Variants in CDH4 observed in about 807,000 individuals in gnomAD.
The protein encoded by CDH4 is cadherin-4.
A neutral mutation model predicts 86.0 loss-of-function variants in CDH4; 33 were observed. The ratio of observed to expected loss-of-function variants is 0.38; its 90% CI spans 0.29 to 0.51. The LOEUF (loss-of-function observed/expected upper bound fraction) is 0.51, where lower values mean the gene tolerates loss of function less well. CDH4 is among the 20% of genes least tolerant of loss of function. The pLI, the probability that CDH4 is intolerant of heterozygous loss-of-function variation, is 0.86. For missense variants in CDH4, 1,114 were observed against 1,307.4 expected (o/e 0.85, Z 2.28); for synonymous variants, 555 against 549.4 (o/e 1.01, Z -0.14).
At chr20:61,306,912 A>G (rs1475734086) in intron 2 of CDH4, among the ~76,000 whole-genome samples, 1 of 152,166 alleles carries the variant, frequency 6.6e-6, no homozygotes, top group Non-Finnish European at 1.5e-5. Context: ...TTGGGGAGCC[A>G]TCTGTGTCCT....
At chr20:61,604,081 C>A (rs1234169625) in intron 2 of CDH4, among the ~76,000 whole-genome samples, 1 of 152,210 alleles carries the variant, frequency 6.6e-6, no homozygotes, top group Non-Finnish European at 1.5e-5. Context: ...TACCCACATC[C>A]TAACAGAGAG....
intron 7 of CDH4, among the ~76,000 whole-genome samples, chr20:61,877,142 T>G (rs560138495): frequency 2.6e-5 from 4 of 152,240 alleles, no homozygotes; most frequent in South Asian, 4.1e-4. Context: ...ATAGGGACAG[T>G]GCCCAGCCTC....
At chr20:61,397,724 CT>C (rs1352944362) in intron 2 of CDH4, among the ~76,000 whole-genome samples, 1 of 152,174 alleles carries the variant, frequency 6.6e-6, no homozygotes. Flanking sequence ...GCAGGGTCCC[CT>C]GTCCTGTTTG....
intron 2 of CDH4, among the ~76,000 whole-genome samples, chr20:61,626,776 TAGGA>T (rs1379972059): frequency 2.6e-5 from 4 of 152,272 alleles, no homozygotes; most frequent in South Asian, 2.1e-4. Flanking sequence ...TTTAGAATGA[TAGGA>T]AGGCAGCCAT....
chr20:61,479,205 GT>G lies in CDH4; in HGVS notation c.169+224277del, dbSNP rs750185786. ...TTGTTTTTTTGTTTTATGCAAGGGT[GT>G]TTTTTTTTAAATACTTTAAGTTCTA... On this transcript the variant is annotated intron_variant, in intron 2 of 15. Coordinates refer to ENST00000614565, the MANE Select transcript of CDH4 (RefSeq NM_001794.5). Among the ~76,000 whole-genome samples the G allele has an allele frequency of 5.3e-5, 8 of 150,822 alleles. No individual in the cohort carries two copies. The South Asian group carries it at 1.1e-3, about 20-fold the overall frequency.
chr20:61,406,548 C>G (rs1286630843), intron 2 of CDH4, among the ~76,000 whole-genome samples: 1 of 148,702 alleles, frequency 6.7e-6, no homozygotes. Flanking sequence ...CTGCCCGGAC[C>G]ACCATCTGCC....
intron 2 of CDH4, among the ~76,000 whole-genome samples, chr20:61,502,840 A>T (rs1351102992): frequency 6.6e-6 from 1 of 152,208 alleles, no homozygotes. Context: ...ACATCAAATA[A>T]TGTATTAAAC....
intron 2 of CDH4, among the ~76,000 whole-genome samples, chr20:61,698,844 C>T (rs536271034): frequency 9.2e-5 from 14 of 152,336 alleles, no homozygotes; most frequent in African/African-American, 2.9e-4. Context: ...CTTTTGTGTC[C>T]GCCTGATGTC....
At chr20:61,934,930 G>A (rs539226921) in intron 15 of CDH4, among the ~76,000 whole-genome samples, 11 of 152,202 alleles carry the variant, frequency 7.2e-5, no homozygotes, top group East Asian at 1.9e-4. Flanking sequence ...TTACAATGTC[G>A]CCAGGGCAAC....
chr20:61,494,910 T>C (rs559947087), intron 2 of CDH4, among the ~76,000 whole-genome samples: 2 of 152,392 alleles, frequency 1.3e-5, no homozygotes, highest in Admixed American at 1.3e-4. Context: ...CTGACATTCA[T>C]TCGCCCAACC....
intron 2 of CDH4, among the ~76,000 whole-genome samples, chr20:61,487,076 A>G (rs2427129): frequency 0.39 from 59,649 of 151,968 alleles, 13,318 homozygotes; most frequent in Admixed American, 0.5. Context: ...ATAGGTTTGC[A>G]TTTTACATTT....
intron 2 of CDH4, among the ~76,000 whole-genome samples, chr20:61,274,092 T>TG (rs1346061165): frequency 3.0e-5 from 4 of 132,820 alleles, no homozygotes; most frequent in South Asian, 2.7e-4. Flanking sequence ...GTGTGCAGTT[T>TG]TGGGGAGTAC....
chr20:61,928,882 C>A (rs143876692), intron 12 of CDH4, among the ~76,000 whole-genome samples: 12 of 152,310 alleles, frequency 7.9e-5, no homozygotes, highest in Admixed American at 7.8e-4. Flanking sequence ...TCAAACCCCA[C>A]CAACACTGAA....
chr20:61,433,772 G>T lies in CDH4; in HGVS notation c.169+178835G>T, dbSNP rs562373621. Among the ~76,000 whole-genome samples the T allele has an allele frequency of 1.6e-4, 25 of 152,234 alleles. No homozygotes were observed. The South Asian group carries it at 5.2e-3, about 32-fold the overall frequency. The stretch of plus-strand genomic sequence containing the variant: ...CACAGGGTGGGTAGGAGGTTCCCTA[G>T]GATCCCTGGAGGGTGTGTCCCTTTA... On this transcript the variant is annotated intron_variant, in intron 2 of 15. Transcript: ENST00000614565.
At chr20:61,790,540 C>T (rs995999477) in intron 4 of CDH4, among the ~76,000 whole-genome samples, 3 of 150,156 alleles carry the variant, frequency 2.0e-5, no homozygotes, top group Non-Finnish European at 4.4e-5. Context: ...TCCATCCTTC[C>T]ATCCATCTAC....
intron 2 of CDH4, among the ~76,000 whole-genome samples, chr20:61,724,848 T>C (rs2088091331): frequency 6.6e-6 from 1 of 152,232 alleles, no homozygotes; most frequent in African/African-American, 2.4e-5. Context: ...TAGTGGCTCA[T>C]GCATGCAATC....
intron 2 of CDH4, among the ~76,000 whole-genome samples, chr20:61,491,484 G>A (rs2085625489): frequency 6.6e-6 from 1 of 152,160 alleles, no homozygotes; most frequent in Non-Finnish European, 1.5e-5. Flanking sequence ...AGCACAAAAG[G>A]GTGCCTACAA....
chr20:61,806,877 G>A (rs1486060435), intron 4 of CDH4, among the ~76,000 whole-genome samples: 1 of 152,178 alleles, frequency 6.6e-6, no homozygotes, highest in African/African-American at 2.4e-5. Context: ...GTCTCCTGCT[G>A]GGGAGGGGTG....
At chr20:61,531,282 G>A (rs1568880219) in intron 2 of CDH4, among the ~76,000 whole-genome samples, 1 of 152,054 alleles carries the variant, frequency 6.6e-6, no homozygotes, top group Non-Finnish European at 1.5e-5. Flanking sequence ...GACCAGCCTG[G>A]CCAATGTGGT....
Sources: allele counts gnomAD v4.1 joint callset (sites outside exome capture counted in the v4.1 genomes callset), GRCh38; gene constraint gnomAD v4.1.1; transcripts MANE v1.5; gene names NCBI Gene and HGNC (gene_info 2026-07-23, HGNC 2026-07-21).